The following MICOS10 variants were observed in gnomAD, a reference collection of about 807,000 sequenced individuals.
MICOS10 encodes mitochondrial contact site and cristae organizing system subunit 10.
MICOS10 carries 5 observed loss-of-function variants against 13.4 expected under a neutral mutation model. That is an observed-to-expected ratio of 0.37 (90% confidence interval 0.20 to 0.78). The LOEUF is 0.78. Among genes scored for constraint, MICOS10 ranks in the 30% least tolerant of loss-of-function variants. The pLI, the probability that MICOS10 is intolerant of heterozygous loss-of-function variation, is 0.47. For missense variants in MICOS10, 101 were observed against 94.6 expected (o/e 1.07, Z -0.28); for synonymous variants, 35 against 33.6 (o/e 1.04, Z -0.15).
intron 3 of MICOS10, among the ~76,000 whole-genome samples, chr1:19,624,480 G>A (rs1351652056): frequency 3.3e-5 from 5 of 152,098 alleles, no homozygotes; most frequent in Admixed American, 3.3e-4. Flanking sequence ...TAGAGGTGGG[G>A]TTTCACCATG....
intron 1 of MICOS10, among the ~76,000 whole-genome samples, chr1:19,600,614 G>A (rs1165414597): frequency 5.9e-5 from 9 of 152,120 alleles, no homozygotes; most frequent in Admixed American, 5.2e-4. Flanking sequence ...GGTTTTTGTT[G>A]TTTTTAAGAC....
chr1:19,625,067 G>A (rs2094917319), intron 3 of MICOS10, among the ~76,000 whole-genome samples: 1 of 152,218 alleles, frequency 6.6e-6, no homozygotes, highest in African/African-American at 2.4e-5. Context: ...CTTGCTTCCT[G>A]TGTGATCTTA....
intron 1 of MICOS10, among the ~76,000 whole-genome samples, chr1:19,609,393 A>T (rs1338622677): frequency 6.6e-6 from 1 of 152,216 alleles, no homozygotes; most frequent in Middle Eastern, 3.2e-3. Context: ...TACACCGTTC[A>T]TTGGAATGGG....
chr1:19,619,290 A>G (rs2094895223), intron 1 of MICOS10, among the ~76,000 whole-genome samples: 1 of 152,246 alleles, frequency 6.6e-6, no homozygotes, highest in African/African-American at 2.4e-5. Flanking sequence ...ATCAGATTAT[A>G]TAGCCTACTT....
intron 1 of MICOS10, among the ~76,000 whole-genome samples, chr1:19,606,724 C>T (rs2745223): frequency 0.11 from 16,483 of 150,358 alleles, 3,043 homozygotes; most frequent in African/African-American, 0.38. Flanking sequence ...CCAACCTGGG[C>T]GACAGAACAA....
chr1:19,613,087 A>G (rs1376298212), intron 1 of MICOS10, among the ~76,000 whole-genome samples: 1 of 152,082 alleles, frequency 6.6e-6, no homozygotes, highest in Admixed American at 6.5e-5. Flanking sequence ...TCTGCCTATC[A>G]TGGAATACAG....
intron 1 of MICOS10, among the ~76,000 whole-genome samples, chr1:19,606,175 T>C (rs541253077): frequency 6.6e-6 from 1 of 152,138 alleles, no homozygotes; most frequent in Non-Finnish European, 1.5e-5. Context: ...GATATAATGA[T>C]GCTAGTACAG....
chr1:19,613,010 G>A (rs1281836027), intron 1 of MICOS10, among the ~76,000 whole-genome samples: 1 of 152,152 alleles, frequency 6.6e-6, no homozygotes, highest in Non-Finnish European at 1.5e-5. Flanking sequence ...CTTCTCAGAA[G>A]TTCCTAGTCC....
At position 19,626,391 on chromosome 1, in the gene MICOS10, A is replaced by G. The variant is rs746985125; in HGVS notation, c.227A>G (p.Gln76Arg). Residue 76 changes from glutamine to arginine, a missense_variant, in exon 4 of 4, where the codon CAG (glutamine) becomes CGG (arginine). Coordinates refer to ENST00000322753, the MANE Select transcript of MICOS10 (RefSeq NM_001032363.4). ...CTGAATGTCCTTGCTTTACAGGAGC[A>G]GGAGCAGTGACTTCACCTGAGAACA... Reference protein sequence around the residue: ...YLLHGKYVKEQEQ With the variant: ...YLLHGKYVKEREQ 6.2e-7 allele frequency: 1 copy of G among 1,613,988 alleles called. No individual in the cohort carries two copies. The highest frequency in any genetic ancestry group is 8.5e-7 in the Non-Finnish European group (1 of 1,179,848).
At chr1:19,601,031 A>G in intron 1 of MICOS10, 1 of 1,287,032 alleles carries the variant, frequency 7.8e-7, no homozygotes, top group Non-Finnish European at 1.0e-6. Flanking sequence ...AGGGTTCACC[A>G]GGGTTATTTT....
chr1:19,613,684 G>A (rs998579985), intron 1 of MICOS10, among the ~76,000 whole-genome samples: 26 of 152,214 alleles, frequency 1.7e-4, no homozygotes, highest in African/African-American at 6.3e-4. Context: ...TACACGGTTT[G>A]TATAACTAAG....
chr1:19,603,768 G>T (rs982536116), intron 1 of MICOS10, among the ~76,000 whole-genome samples: 26 of 152,218 alleles, frequency 1.7e-4, no homozygotes, highest in African/African-American at 6.3e-4. Flanking sequence ...TAGCTGAAGA[G>T]TGACATGGTT....
intron 1 of MICOS10, chr1:19,608,335 T>A (rs1007096554): frequency 7.7e-7 from 1 of 1,295,964 alleles, no homozygotes; most frequent in Non-Finnish European, 1.1e-6. Flanking sequence ...CATATGCTGC[T>A]ATGTTGACCA....
At chr1:19,615,131 A>G (rs561298828) in intron 1 of MICOS10, among the ~76,000 whole-genome samples, 2 of 152,340 alleles carry the variant, frequency 1.3e-5, no homozygotes, top group East Asian at 3.9e-4. Context: ...TTTCTGGGTA[A>G]AATGGACTTC....
At chr1:19,614,161 C>A (rs1018249169) in intron 1 of MICOS10, among the ~76,000 whole-genome samples, 1 of 151,888 alleles carries the variant, frequency 6.6e-6, no homozygotes. Context: ...CTGCAACCTC[C>A]GCCTCCCGGG....
Position 19,604,357 on chromosome 1 carries a change from AAATT to A in MICOS10, c.64+7250_64+7253del, listed in dbSNP as rs796601527. ...ACCCAGTCTCTACTAGACATACAAA[AAATT>A]AGCCAGGTGTGGTGGTACGCACCTG... On this transcript the variant is annotated intron_variant, in intron 1 of 3. Transcript: ENST00000322753. Among the ~76,000 whole-genome samples, 91 of 152,224 alleles carry A rather than the reference AAATT, an allele frequency of 6.0e-4. 2 individuals are homozygous for A. The highest frequency in any genetic ancestry group is 2.0e-3 in the African/African-American group (85 of 41,528).
chr1:19,616,413 C>A (rs893537929), intron 1 of MICOS10, among the ~76,000 whole-genome samples: 3 of 152,068 alleles, frequency 2.0e-5, no homozygotes, highest in African/African-American at 4.8e-5. Flanking sequence ...ATAGAAATAC[C>A]CTTTTCAGCA....
intron 1 of MICOS10, among the ~76,000 whole-genome samples, chr1:19,599,086 C>G (rs536684924): frequency 6.6e-6 from 1 of 151,884 alleles, no homozygotes; most frequent in Non-Finnish European, 1.5e-5. Flanking sequence ...AATAGGGTCT[C>G]GCTCTGTCAC....
Position 19,629,306 on chromosome 1 carries a change from C to G in MICOS10, c.*2905C>G, listed in dbSNP as rs1056486627. On this transcript the variant is annotated 3_prime_UTR_variant, in exon 4 of 4. Coordinates refer to ENST00000322753, the MANE Select transcript of MICOS10 (RefSeq NM_001032363.4). ...TGGGGAGACAGCGATGGGAACCCAG[C>G]AGGGCACAGGATGCTAGGATAAAGC... The G allele has an allele frequency of 1.3e-5, 2 of 152,254 alleles. No homozygotes were observed. The highest frequency in any genetic ancestry group is 6.5e-5 in the Admixed American group (1 of 15,286). The allele number at this position is 152,254 out of a possible 1,614,324, so 9.4% of individuals were successfully genotyped here.
Sources: gnomAD v4.1 joint callset for allele counts (sites outside exome capture counted in the v4.1 genomes callset) on GRCh38, gnomAD v4.1.1 for gene constraint, MANE v1.5 for transcripts, NCBI Gene and HGNC (gene_info 2026-07-23, HGNC 2026-07-21) for gene names.